AEBP2: variants seen among roughly 807,000 people sequenced by gnomAD.
AEBP2 encodes the protein AE binding protein 2, also known as zinc finger protein AEBP2.
AEBP2 carries 10 observed loss-of-function variants against 50.8 expected under a neutral mutation model. The ratio of observed to expected loss-of-function variants is 0.20; its 90% CI spans 0.12 to 0.33. The LOEUF is 0.33. AEBP2 is among the 10% of genes least tolerant of loss of function. AEBP2 has a pLI of 1.00. For synonymous variants in AEBP2, 296 were observed against 261.3 expected, an observed-to-expected ratio of 1.13 and a Z score of -1.28; for missense variants, 570 against 688.0, an observed-to-expected ratio of 0.83 and a Z score of 1.92.
At chr12:19,438,041 A>G (rs1947879843), upstream of AEBP2, among the ~76,000 whole-genome samples, 1 of 152,128 alleles carries the variant, frequency 6.6e-6, no homozygotes, top group Admixed American at 6.5e-5. Context: ...CTTTCTTCCA[A>G]TGACCTCTTC....
At chr12:19,483,120 C>G (rs1201596145) in intron 3 of AEBP2, among the ~76,000 whole-genome samples, 1 of 152,158 alleles carries the variant, frequency 6.6e-6, no homozygotes, top group Non-Finnish European at 1.5e-5. Context: ...GAAATTGTTA[C>G]TATCTCATTT....
rs1460315851 is a variant in AEBP2, at chr12:19,445,003, C to T, written c.671+4633C>T. ...TCTGCCTCCTGAGTAGCTGGGACCA[C>T]AGGCACCTGGCCCAACAGTAGTATT... On this transcript the variant is annotated intron_variant, in intron 1 of 7. Transcript: ENST00000266508. Among the ~76,000 whole-genome samples, 3 of 149,968 alleles carry T rather than the reference C, an allele frequency of 2.0e-5. No homozygotes were observed. In the East Asian group the frequency reaches 6.1e-4, roughly 30 times the overall value.
intron 3 of AEBP2, among the ~76,000 whole-genome samples, chr12:19,481,624 A>T (rs1948731302): frequency 1.3e-5 from 2 of 151,994 alleles, no homozygotes; most frequent in African/African-American, 2.4e-5. Context: ...GATTACAGGC[A>T]CTTGCCAACA....
intron 3 of AEBP2, among the ~76,000 whole-genome samples, chr12:19,486,580 G>A (rs973446584): frequency 5.3e-5 from 8 of 151,878 alleles, no homozygotes; most frequent in African/African-American, 1.9e-4. Context: ...AGAGGGTTTT[G>A]CCACGTTGCC....
intron 2 of AEBP2, among the ~76,000 whole-genome samples, chr12:19,472,499 C>A (rs1948587925): frequency 6.6e-6 from 1 of 152,114 alleles, no homozygotes; most frequent in Non-Finnish European, 1.5e-5. Context: ...TACTTAGTAC[C>A]CTGAACCTAG....
chr12:19,486,666 A>G (rs554430431), intron 3 of AEBP2, among the ~76,000 whole-genome samples: 8 of 152,130 alleles, frequency 5.3e-5, no homozygotes, highest in Non-Finnish European at 1.0e-4. Context: ...TACGGGCATG[A>G]GGCACCATGC....
At chr12:19,508,245 G>A (rs1015769884) in intron 5 of AEBP2, among the ~76,000 whole-genome samples, 1 of 152,122 alleles carries the variant, frequency 6.6e-6, no homozygotes, top group African/African-American at 2.4e-5. Flanking sequence ...ATAAAAACTA[G>A]AAACGGGGAT....
At chr12:19,494,919 A>T (rs374513906) in intron 4 of AEBP2, among the ~76,000 whole-genome samples, 8 of 151,524 alleles carry the variant, frequency 5.3e-5, no homozygotes, top group Admixed American at 4.0e-4. Flanking sequence ...TATTATTATT[A>T]TTTTTTTGAT....
intron 1 of AEBP2, chr12:19,456,343 G>A: frequency 7.1e-7 from 1 of 1,409,020 alleles, no homozygotes; most frequent in Non-Finnish European, 9.9e-7. Context: ...GCAACTGTCT[G>A]TCTCATATCA....
intron 1 of AEBP2, among the ~76,000 whole-genome samples, chr12:19,408,551 AAAG>A (rs2095737565): frequency 6.6e-6 from 1 of 151,988 alleles, no homozygotes; most frequent in Non-Finnish European, 1.5e-5. Flanking sequence ...AAAAAAAAAA[AAAG>A]AAAGCGTTTT....
intron 5 of AEBP2, among the ~76,000 whole-genome samples, chr12:19,502,652 C>CTT (rs373049492): frequency 2.3e-4 from 33 of 142,954 alleles, no homozygotes; most frequent in South Asian, 8.9e-4. Context: ...TTTGTCTATT[C>CTT]TTTTTTTTTT....
Position 19,439,735 on chromosome 12 carries a change from G to A in AEBP2, c.36G>A (p.Glu12=), listed in dbSNP as rs1277433950. The A allele has an allele frequency of 7.2e-6, 11 of 1,519,190 alleles. No individual in the cohort carries two copies. The highest frequency in any genetic ancestry group is 1.4e-5 in the African/African-American group (1 of 70,014). The allele number at this position is 1,519,190 out of a possible 1,614,324, so 94.1% of individuals were successfully genotyped here. A position where few individuals can be genotyped will look rare whatever the true frequency, so the allele number is the denominator to read the frequency against. The change falls in exon 1 of 8, where the codon GAG becomes GAA. Residue 12 remains glutamate, a synonymous_variant. Transcript: ENST00000266508. The part of the protein sequence containing the change: ...AAAITDMADL[E]ELSRLSPLPP... ...CTATCACCGACATGGCCGACCTGGA[G>A]GAGCTCTCCCGCCTGAGCCCTCTGC...
intron 1 of AEBP2, among the ~76,000 whole-genome samples, chr12:19,422,446 TA>T (rs909136410): frequency 6.6e-6 from 1 of 152,182 alleles, no homozygotes; most frequent in East Asian, 1.9e-4. Flanking sequence ...AAGGATTTTT[TA>T]AAAAATTTAT....
intron 1 of AEBP2, among the ~76,000 whole-genome samples, chr12:19,446,937 C>G (rs1251487027): frequency 6.6e-6 from 1 of 151,450 alleles, no homozygotes; most frequent in Non-Finnish European, 1.5e-5. Flanking sequence ...AACAAAAAAA[C>G]AAAAAAACAA....
intron 1 of AEBP2, among the ~76,000 whole-genome samples, chr12:19,453,306 T>TG (rs1238790009): frequency 1.3e-5 from 2 of 151,836 alleles, no homozygotes; most frequent in East Asian, 2.0e-4. Flanking sequence ...TTTGTAGAGA[T>TG]GGGGTCTTGT....
chr12:19,451,486 C>T (rs532719247), intron 1 of AEBP2, among the ~76,000 whole-genome samples: 1 of 152,092 alleles, frequency 6.6e-6, no homozygotes, highest in Admixed American at 6.6e-5. Flanking sequence ...GTTGAAGACT[C>T]CCGAGCTGAG....
intron 1 of AEBP2, among the ~76,000 whole-genome samples, chr12:19,410,418 A>G (rs1314504051): frequency 6.6e-6 from 1 of 152,196 alleles, no homozygotes; most frequent in Non-Finnish European, 1.5e-5. Flanking sequence ...CACAGAGAGT[A>G]GGGACTTCCT....
At chr12:19,486,783 T>C (rs761029765) in intron 3 of AEBP2, among the ~76,000 whole-genome samples, 5 of 152,062 alleles carry the variant, frequency 3.3e-5, no homozygotes, top group Non-Finnish European at 5.9e-5. Context: ...GATATCTTAA[T>C]ACTACCAGTC....
chr12:19,501,405 C>G (rs573373030), intron 5 of AEBP2, among the ~76,000 whole-genome samples: 1 of 151,522 alleles, frequency 6.6e-6, no homozygotes, highest in South Asian at 2.1e-4. Context: ...GAGGCCAAGG[C>G]AGGCAGATTG....
Sources: gnomAD v4.1 joint callset for allele counts (sites outside exome capture counted in the v4.1 genomes callset) on GRCh38, gnomAD v4.1.1 for gene constraint, MANE v1.5 for transcripts, NCBI Gene and HGNC (gene_info 2026-07-23, HGNC 2026-07-21) for gene names.